The following SUSD5 variants were observed in gnomAD, a reference collection of about 807,000 sequenced individuals.
SUSD5 encodes sushi domain-containing protein 5.
In SUSD5, 33 loss-of-function variants were observed where a neutral mutation model predicts 29.5. The ratio of observed to expected loss-of-function variants is 1.12; its 90% CI spans 0.85 to 1.49. The LOEUF (loss-of-function observed/expected upper bound fraction) is 1.49. Among genes scored for constraint, SUSD5 ranks in the 40% most tolerant of loss-of-function variants. The pLI is 0.00. For synonymous variants in SUSD5, 308 were observed against 325.3 expected (o/e 0.95, Z 0.57); for missense variants, 776 against 800.6 (o/e 0.97, Z 0.37).
At chr3:33,202,402 A>C (rs910762326) in intron 3 of SUSD5, among the ~76,000 whole-genome samples, 1 of 152,182 alleles carries the variant, frequency 6.6e-6, no homozygotes, top group African/African-American at 2.4e-5. Flanking sequence ...GGGAGCATCC[A>C]GCTCTCTTTT....
At chr3:33,183,455 A>G (rs2031714411) in intron 3 of SUSD5, among the ~76,000 whole-genome samples, 2 of 151,778 alleles carry the variant, frequency 1.3e-5, no homozygotes, top group South Asian at 4.2e-4. Flanking sequence ...GGTGGTTGCA[A>G]TACACATTTA....
In SUSD5 at chr3:33,167,796, C is replaced by T. The variant is rs918859953; in HGVS notation, c.598+7090G>A. 6.6e-6 allele frequency among the ~76,000 whole-genome samples: 1 copy of T among 152,208 alleles called. No individual in the cohort carries two copies. Among genetic ancestry groups the T allele is most frequent in the Admixed American group, 6.5e-5 (1 of 15,280 alleles). ...GCCCACAAGATGGAGAAGCCCAGCTCTCTGCCTGTGGAGGTACTGTATCTC... is the reference window on the plus strand; with the variant it reads ...GCCCACAAGATGGAGAAGCCCAGCTTTCTGCCTGTGGAGGTACTGTATCTC... On this transcript the variant is annotated intron_variant, in intron 4 of 4. Transcript: ENST00000309558. This position sits in a 1 kb window ranked among gnomAD's most constrained non-coding sequence, Gnocchi z 4.1.
At chr3:33,175,627 CTTTT>C (rs544007153) in intron 3 of SUSD5, among the ~76,000 whole-genome samples, 1 of 151,666 alleles carries the variant, frequency 6.6e-6, no homozygotes, top group African/African-American at 2.4e-5. Flanking sequence ...ATACATATTT[CTTTT>C]TTTTACATAA....
intron 4 of SUSD5, among the ~76,000 whole-genome samples, chr3:33,172,067 A>G (rs903166995): frequency 2.2e-4 from 33 of 152,208 alleles, no homozygotes; most frequent in Non-Finnish European, 4.9e-4. Flanking sequence ...TACAACGAAG[A>G]GTGATTATCC....
chr3:33,153,464 C>T lies in SUSD5; in HGVS notation c.1168G>A (p.Glu390Lys), dbSNP rs781033758. The change falls in exon 5 of 5, where the codon GAA becomes AAA. Residue 390 changes from glutamate (E) to lysine (K), a missense_variant. Physicochemically the swap from Glu to Lys is moderately conservative, Grantham distance 56. Transcript: ENST00000309558. ...GACCCATCCCCTCTGTCCCCATCTT[C>T]TTCCTCTTCTGCCTCTGTCTTCCTC... ...AWRKTEAEEEEDGDRGDGSVG... is the reference protein window; with the variant it reads ...AWRKTEAEEEKDGDRGDGSVG... 1.2e-6 allele frequency: 2 copies of T among 1,613,982 alleles called. No individual in the cohort carries two copies. Among genetic ancestry groups the T allele is most frequent in the African/African-American group, 2.7e-5 (2 of 74,908 alleles).
chr3:33,179,746 C>G (rs1348280998), intron 3 of SUSD5, among the ~76,000 whole-genome samples: 1 of 152,108 alleles, frequency 6.6e-6, no homozygotes, highest in African/African-American at 2.4e-5. Flanking sequence ...TTCAAAAAAC[C>G]AACATTTTTT....
At position 33,152,813 on chromosome 3, in the gene SUSD5, C is replaced by T. The variant is rs1235975300; in HGVS notation, c.1819G>A (p.Val607Met). The change falls in exon 5 of 5, where the codon GTG (valine) becomes ATG (methionine). Residue 607 changes from valine (V) to methionine (M), a missense_variant. By Grantham distance (21) the Val-to-Met change is conservative. Coordinates refer to ENST00000309558, the MANE Select transcript of SUSD5 (RefSeq NM_015551.2). ...GYRKCQHKSS[V>M]YKLNVGQRQA... ...CGCTGGCCAACATTCAGCTTGTACA[C>T]AGAGCTCTTGTGCTGGCACTTGCGG... 6.2e-7 allele frequency: 1 copy of T among 1,613,988 alleles called. No homozygotes were observed.
intron 3 of SUSD5, among the ~76,000 whole-genome samples, chr3:33,200,261 T>C (rs1226969518): frequency 6.6e-6 from 1 of 152,200 alleles, no homozygotes; most frequent in African/African-American, 2.4e-5. Context: ...TATCTTGGAC[T>C]TCCCAGCCTC....
intron 3 of SUSD5, among the ~76,000 whole-genome samples, chr3:33,186,429 CTT>C (rs11372293): frequency 1.1e-3 from 159 of 146,374 alleles, no homozygotes; most frequent in African/African-American, 3.8e-3. Flanking sequence ...TCCTTTCTTT[CTT>C]TTTTTTTTTT....
At chr3:33,210,677 T>C (rs1291004409) in intron 2 of SUSD5, among the ~76,000 whole-genome samples, 1 of 152,168 alleles carries the variant, frequency 6.6e-6, no homozygotes, top group African/African-American at 2.4e-5. Flanking sequence ...AGTGGAGACC[T>C]GGGCAGGAAA....
At chr3:33,212,200 C>A (rs372019095) in intron 2 of SUSD5, among the ~76,000 whole-genome samples, 7 of 152,132 alleles carry the variant, frequency 4.6e-5, no homozygotes, top group African/African-American at 1.7e-4. Flanking sequence ...TCACTACGCA[C>A]CCCATGAATA....
rs201254022 is a variant in SUSD5, at chr3:33,153,811, C to A, written c.821G>T (p.Gly274Val). Residue 274 changes from glycine (G) to valine (V), a missense_variant, in exon 5 of 5, where the codon GGT (glycine) becomes GTT (valine). Physicochemically the swap from Gly to Val is moderately radical, Grantham distance 109. Coordinates refer to ENST00000309558, the MANE Select transcript of SUSD5 (RefSeq NM_015551.2). Reference sequence around the variant, plus strand: ...ATCTGCGGGGACACTGCTCCCAGCACCAGGCAAGCCTGTGGTTGGCACAAA... The same window carrying A: ...ATCTGCGGGGACACTGCTCCCAGCAACAGGCAAGCCTGTGGTTGGCACAAA... The part of the protein sequence containing the change: ...KVFVPTTGLP[G>V]AGSSVPADSP... 1 of 1,613,978 alleles carries A rather than the reference C, an allele frequency of 6.2e-7. No individual in the cohort carries two copies. The highest frequency in any genetic ancestry group is 8.5e-7 in the Non-Finnish European group (1 of 1,179,840).
intron 3 of SUSD5, among the ~76,000 whole-genome samples, chr3:33,206,519 C>T (rs953555980): frequency 4.8e-4 from 73 of 152,060 alleles, no homozygotes; most frequent in African/African-American, 1.7e-3. Context: ...AACCAAGTCA[C>T]ATCTCTCAGT....
chr3:33,166,008 T>G (rs1575529817), intron 4 of SUSD5, among the ~76,000 whole-genome samples: 1 of 91,166 alleles, frequency 1.1e-5, no homozygotes, highest in Non-Finnish European at 2.5e-5. Flanking sequence ...GAGACCCCCC[T>G]CTCCAAAAAA....
At chr3:33,182,450 T>C (rs7634211) in intron 3 of SUSD5, among the ~76,000 whole-genome samples, 3 of 152,052 alleles carry the variant, frequency 2.0e-5, no homozygotes, top group African/African-American at 7.2e-5. Context: ...TTAACTAAAT[T>C]GGCTGTCAAG....
At chr3:33,192,396 T>G (rs2031911442) in intron 3 of SUSD5, among the ~76,000 whole-genome samples, 1 of 151,644 alleles carries the variant, frequency 6.6e-6, no homozygotes, top group Non-Finnish European at 1.5e-5. Flanking sequence ...CCCGGCCTAA[T>G]GCACATATCT....
chr3:33,172,180 A>AACACACACACAC (rs10576154), intron 4 of SUSD5, among the ~76,000 whole-genome samples: 34 of 148,560 alleles, frequency 2.3e-4, no homozygotes, highest in Non-Finnish European at 3.3e-4. Context: ...ACTCTTGTAA[A>AACACACACACAC]ACACACACAC....
chr3:33,178,746 AG>A (rs2031607371), intron 3 of SUSD5, among the ~76,000 whole-genome samples: 2 of 152,254 alleles, frequency 1.3e-5, no homozygotes, highest in East Asian at 3.9e-4. Flanking sequence ...CCCGGTCTGT[AG>A]TCTTTTTTGT....
At chr3:33,157,091 T>C (rs1030652980) in intron 4 of SUSD5, among the ~76,000 whole-genome samples, 1 of 152,226 alleles carries the variant, frequency 6.6e-6, no homozygotes, top group Admixed American at 6.5e-5. Flanking sequence ...CAGGGCTCAG[T>C]CAGGCCCTTC....
Sources: allele counts gnomAD v4.1 joint callset (sites outside exome capture counted in the v4.1 genomes callset), GRCh38; gene constraint gnomAD v4.1.1; non-coding constraint Gnocchi (gnomAD v3.1); transcripts MANE v1.5; gene names NCBI Gene and HGNC (gene_info 2026-07-23, HGNC 2026-07-21).